The following ARB2A variants were observed in gnomAD, a reference collection of about 807,000 sequenced individuals.
ARB2A encodes the protein ARB2 cotranscriptional regulator A.
chr5:93,986,323 T>TG, the ARB2A span, among the ~76,000 whole-genome samples: 1 of 148,234 alleles, frequency 6.7e-6, no homozygotes, highest in Admixed American at 6.7e-5. Flanking sequence ...ATCTGGGAGG[T>TG]GGGGGGCGCC....
chr5:93,826,442 C>G, the ARB2A span, among the ~76,000 whole-genome samples: 19 of 152,106 alleles, frequency 1.2e-4, no homozygotes, highest in African/African-American at 4.6e-4. Context: ...AGCCACAAAG[C>G]CAACTATTTA....
At chr5:93,851,424 G>A in the ARB2A span, among the ~76,000 whole-genome samples, 2 of 152,060 alleles carry the variant, frequency 1.3e-5, no homozygotes, top group African/African-American at 4.8e-5. Flanking sequence ...ATGAACAGCA[G>A]CATACGTAAC....
the ARB2A span, among the ~76,000 whole-genome samples, chr5:94,011,929 G>C: frequency 7.6e-6 from 1 of 131,874 alleles, no homozygotes; most frequent in African/African-American, 2.9e-5. Flanking sequence ...ACAAATTAAA[G>C]GGTAGACAAA....
the ARB2A span, among the ~76,000 whole-genome samples, chr5:93,842,975 G>A: frequency 2.0e-5 from 3 of 152,018 alleles, no homozygotes; most frequent in South Asian, 2.1e-4. Context: ...CCAAACCCCC[G>A]GGCCTTCATC....
the ARB2A span, among the ~76,000 whole-genome samples, chr5:93,759,180 C>G: frequency 6.6e-6 from 1 of 152,060 alleles, no homozygotes; most frequent in African/African-American, 2.4e-5. Context: ...AAAATACAAC[C>G]CTCCTAGCTT....
the ARB2A span, among the ~76,000 whole-genome samples, chr5:93,874,495 A>C: frequency 6.6e-6 from 1 of 152,142 alleles, no homozygotes; most frequent in African/African-American, 2.4e-5. Context: ...GAGGGGACAG[A>C]AGCTCAGTAT....
the ARB2A span, among the ~76,000 whole-genome samples, chr5:94,006,289 A>T: frequency 6.6e-6 from 1 of 152,110 alleles, no homozygotes; most frequent in Admixed American, 6.5e-5. Flanking sequence ...TTACACACTC[A>T]CTCCATAACT....
chr5:93,835,208 T>C, the ARB2A span, among the ~76,000 whole-genome samples: 2 of 152,198 alleles, frequency 1.3e-5, no homozygotes, highest in African/African-American at 4.8e-5. Context: ...CTATGCCAGA[T>C]TCTACTACCT....
the ARB2A span, among the ~76,000 whole-genome samples, chr5:93,886,861 C>T: frequency 6.6e-6 from 1 of 151,754 alleles, no homozygotes; most frequent in South Asian, 2.1e-4. Context: ...CATACTTTAA[C>T]TTGTAGCTTC....
chr5:93,786,791 T>G, the ARB2A span, among the ~76,000 whole-genome samples: 11 of 152,156 alleles, frequency 7.2e-5, no homozygotes, highest in Non-Finnish European at 1.2e-4. Context: ...CCACTGTGAA[T>G]GAGTACTGAT....
At chr5:93,692,718 G>T in the ARB2A span, among the ~76,000 whole-genome samples, 1 of 152,060 alleles carries the variant, frequency 6.6e-6, no homozygotes, top group Admixed American at 6.6e-5. Flanking sequence ...TCTACAGAAA[G>T]AATTCTCCAC....
the ARB2A span, among the ~76,000 whole-genome samples, chr5:94,088,746 C>A: frequency 6.6e-6 from 1 of 152,120 alleles, no homozygotes; most frequent in African/African-American, 2.4e-5. Flanking sequence ...AAGCACTTTT[C>A]TTTGGCATAT....
At chr5:93,781,603 A>C in the ARB2A span, among the ~76,000 whole-genome samples, 12 of 152,102 alleles carry the variant, frequency 7.9e-5, no homozygotes, top group Admixed American at 6.5e-4. Context: ...CTCTTTGAGA[A>C]ATCTCCATAC....
the ARB2A span, among the ~76,000 whole-genome samples, chr5:93,912,671 T>C: frequency 6.6e-6 from 1 of 151,878 alleles, no homozygotes; most frequent in Admixed American, 6.6e-5. Context: ...CTAAGAAATA[T>C]TAAATGCATT....
the ARB2A span, among the ~76,000 whole-genome samples, chr5:93,991,366 A>G: frequency 6.6e-6 from 1 of 152,130 alleles, no homozygotes; most frequent in Non-Finnish European, 1.5e-5. Context: ...ACTCATCAAC[A>G]TAATATTTAC....
chr5:93,806,445 T>C, the ARB2A span, among the ~76,000 whole-genome samples: 3 of 151,904 alleles, frequency 2.0e-5, no homozygotes, highest in Non-Finnish European at 4.4e-5. Flanking sequence ...TATAAGATCA[T>C]ATTTCCTCAT....
chr5:93,776,985 T>G, the ARB2A span, among the ~76,000 whole-genome samples: 3 of 152,166 alleles, frequency 2.0e-5, no homozygotes, highest in Non-Finnish European at 4.4e-5. Context: ...TTAAACTATA[T>G]TCTTTGTGTA....
At chr5:93,817,535 G>A in the ARB2A span, among the ~76,000 whole-genome samples, 2 of 152,082 alleles carry the variant, frequency 1.3e-5, no homozygotes, top group East Asian at 3.8e-4. Flanking sequence ...GAAACAGAAT[G>A]AACAAAGTTG....
At chr5:93,951,956 G>A in the ARB2A span, among the ~76,000 whole-genome samples, 34 of 152,148 alleles carry the variant, frequency 2.2e-4, 1 homozygote, top group African/African-American at 8.2e-4. Context: ...CAACTTCAAG[G>A]GATAGCTGGT....
Sources: allele counts gnomAD v4.1 joint callset (sites outside exome capture counted in the v4.1 genomes callset), GRCh38; gene constraint gnomAD v4.1.1; transcripts MANE v1.5; gene names NCBI Gene and HGNC (gene_info 2026-07-23, HGNC 2026-07-21).